Variants in ITPR2 observed in about 807,000 individuals in gnomAD.
ITPR2 encodes the protein inositol 1,4,5-trisphosphate receptor type 2, also known as inositol 1,4,5-trisphosphate-gated calcium channel ITPR2.
In ITPR2, 207 loss-of-function variants were observed where a neutral mutation model predicts 317.1. The observed-to-expected ratio is 0.65, with a 90% CI of 0.58 to 0.73. The LOEUF (loss-of-function observed/expected upper bound fraction) is 0.73. Among genes scored for constraint, ITPR2 ranks in the 30% least tolerant of loss-of-function variants. The pLI is 0.00. For synonymous variants in ITPR2, 1,156 were observed against 1,149.1 expected (o/e 1.01, Z -0.12); for missense variants, 2,613 against 3,284.0 (o/e 0.80, Z 4.99).
intron 54 of ITPR2, among the ~76,000 whole-genome samples, chr12:26,389,591 C>T (rs1939772188): frequency 1.3e-5 from 2 of 151,808 alleles, no homozygotes. Flanking sequence ...CTTTAAGTAA[C>T]TCATTCACCT....
chr12:26,714,425 T>C (rs1200527869), intron 8 of ITPR2, among the ~76,000 whole-genome samples: 4 of 152,226 alleles, frequency 2.6e-5, no homozygotes, highest in African/African-American at 9.6e-5. Context: ...GGCATAAATA[T>C]TGTATCTTTT....
intron 45 of ITPR2, among the ~76,000 whole-genome samples, chr12:26,473,977 C>G (rs1942353412): frequency 6.6e-6 from 1 of 152,146 alleles, no homozygotes; most frequent in African/African-American, 2.4e-5. Flanking sequence ...TTATGAGAGA[C>G]CTTAAAATAT....
chr12:26,541,999 A>T (rs1020039514), intron 37 of ITPR2, among the ~76,000 whole-genome samples: 7 of 152,180 alleles, frequency 4.6e-5, no homozygotes, highest in Non-Finnish European at 8.8e-5. Flanking sequence ...GTCTGCTACC[A>T]CTATTCAATG....
chr12:26,636,348 T>C lies in ITPR2; in HGVS notation c.2741-4289A>G, dbSNP rs1476313129. Among the ~76,000 whole-genome samples the C allele has an allele frequency of 2.6e-5, 4 of 152,224 alleles. No homozygotes were observed. The East Asian group carries it at 7.7e-4, about 29-fold the overall frequency. ...ATCATATATTTGTCTGTGTGTTTAT[T>C]GCAGTCCCCCTCTCCAACAACATAA... On this transcript the variant is annotated intron_variant, in intron 21 of 56. Transcript: ENST00000381340.
At chr12:26,344,794 T>C (rs1008998891) in intron 55 of ITPR2, among the ~76,000 whole-genome samples, 5 of 152,250 alleles carry the variant, frequency 3.3e-5, no homozygotes, top group African/African-American at 7.2e-5. Context: ...ATATAGTTCA[T>C]AGGTGGAGAG....
At chr12:26,743,760 A>G (rs1372884940) in intron 2 of ITPR2, among the ~76,000 whole-genome samples, 1 of 152,108 alleles carries the variant, frequency 6.6e-6, no homozygotes, top group Non-Finnish European at 1.5e-5. Context: ...GCATGGTGGC[A>G]CATGCCTGTA....
chr12:26,676,242 T>G (rs948549924), intron 13 of ITPR2, among the ~76,000 whole-genome samples: 4 of 151,742 alleles, frequency 2.6e-5, no homozygotes, highest in Non-Finnish European at 5.9e-5. Context: ...TTTGGGAGGC[T>G]AAGGCAGGCA....
chr12:26,518,955 T>C (rs1386642643), intron 37 of ITPR2, among the ~76,000 whole-genome samples: 3 of 151,990 alleles, frequency 2.0e-5, no homozygotes, highest in Non-Finnish European at 2.9e-5. Context: ...ACGAATAAAT[T>C]TCTAGAAAAA....
At chr12:26,809,249 A>G (rs1197277946) in intron 1 of ITPR2, among the ~76,000 whole-genome samples, 1 of 152,184 alleles carries the variant, frequency 6.6e-6, no homozygotes, top group African/African-American at 2.4e-5. Context: ...CATTATAATT[A>G]TTTTGTCCCT....
intron 1 of ITPR2, among the ~76,000 whole-genome samples, chr12:26,813,764 A>C (rs913209826): frequency 6.6e-6 from 1 of 152,230 alleles, no homozygotes; most frequent in Admixed American, 6.5e-5. Context: ...ACGCCACCTG[A>C]AAGAGTCCTA....
intron 2 of ITPR2, among the ~76,000 whole-genome samples, chr12:26,729,905 T>A (rs1043939360): frequency 6.6e-6 from 1 of 151,938 alleles, no homozygotes; most frequent in Non-Finnish European, 1.5e-5. Context: ...CAAACCCCCA[T>A]GACACAAGTT....
At chr12:26,455,503 C>T (rs1941861086) in intron 45 of ITPR2, among the ~76,000 whole-genome samples, 1 of 152,230 alleles carries the variant, frequency 6.6e-6, no homozygotes, top group Middle Eastern at 3.4e-3. Context: ...AGTAGGGATT[C>T]AGATCTGTTG....
At chr12:26,356,713 CATTG>C (rs1565486103) in intron 55 of ITPR2, among the ~76,000 whole-genome samples, 1 of 152,266 alleles carries the variant, frequency 6.6e-6, no homozygotes, top group Non-Finnish European at 1.5e-5. Flanking sequence ...ACATTTTTCT[CATTG>C]ATTGATTGAT....
intron 1 of ITPR2, among the ~76,000 whole-genome samples, chr12:26,820,262 T>G (rs1256141090): frequency 6.6e-6 from 1 of 152,150 alleles, no homozygotes; most frequent in Non-Finnish European, 1.5e-5. Flanking sequence ...TCTCAAGGTA[T>G]TTAAGAAATA....
chr12:26,524,243 G>A (rs926035275), intron 37 of ITPR2, among the ~76,000 whole-genome samples: 2 of 152,170 alleles, frequency 1.3e-5, no homozygotes, highest in African/African-American at 4.8e-5. Context: ...GAAGGTGTGG[G>A]AATGATACAT....
chr12:26,491,134 G>A (rs1172166199), intron 39 of ITPR2, among the ~76,000 whole-genome samples: 2 of 152,108 alleles, frequency 1.3e-5, no homozygotes, highest in Admixed American at 6.5e-5. Context: ...GTAGCAGGGA[G>A]TTTGTCTTTA....
chr12:26,528,424 C>G (rs537714492), intron 37 of ITPR2, among the ~76,000 whole-genome samples: 1 of 152,328 alleles, frequency 6.6e-6, no homozygotes, highest in Admixed American at 6.5e-5. Context: ...TCTATCCTAT[C>G]ATGTCCTCTT....
chr12:26,454,810 C>T (rs1030864819), intron 45 of ITPR2, among the ~76,000 whole-genome samples: 2 of 151,970 alleles, frequency 1.3e-5, no homozygotes, highest in Non-Finnish European at 2.9e-5. Flanking sequence ...TATGGTAGCA[C>T]GTTCAAGTCG....
chr12:26,492,919 GTATATATATATA>G (rs150335068), intron 39 of ITPR2, among the ~76,000 whole-genome samples: 4,096 of 144,466 alleles, frequency 0.028, 140 homozygotes, highest in African/African-American at 0.077. Flanking sequence ...GTGTGTGTGT[GTATATATATATA>G]TATATATATA....
Sources: allele counts gnomAD v4.1 joint callset (sites outside exome capture counted in the v4.1 genomes callset), GRCh38; gene constraint gnomAD v4.1.1; transcripts MANE v1.5; gene names NCBI Gene and HGNC (gene_info 2026-07-23, HGNC 2026-07-21).